Variants in BNIP2 observed in about 807,000 individuals in gnomAD.
BNIP2 encodes the protein BCL2/adenovirus E1B 19 kDa protein-interacting protein 2.
Under a neutral mutation model 43.4 loss-of-function variants are expected in BNIP2, and 36 were observed. That is an observed-to-expected ratio of 0.83 (90% CI 0.64 to 1.10). BNIP2 has a LOEUF of 1.10. Ranked by LOEUF, BNIP2 falls within the 50% of genes least tolerant of loss-of-function variation. BNIP2 has a pLI of 0.00. For synonymous variants in BNIP2, 146 were observed against 121.0 expected, an observed-to-expected ratio of 1.21 and a Z score of -1.35; for missense variants, 417 against 374.1, an observed-to-expected ratio of 1.11 and a Z score of -0.95.
intron 2 of BNIP2, among the ~76,000 whole-genome samples, chr15:59,681,188 C>G (rs1363929284): frequency 6.6e-6 from 1 of 152,194 alleles, no homozygotes; most frequent in Non-Finnish European, 1.5e-5. Flanking sequence ...ACTCAGGTCT[C>G]CGATCAGCTG....
At chr15:59,669,226 A>C (rs1390675102) in intron 8 of BNIP2, 50 bp downstream of exon 8, 7 of 1,301,656 alleles carry the variant, frequency 5.4e-6, no homozygotes, top group Non-Finnish European at 7.3e-6. Context: ...TTAACTAAAA[A>C]TAAATAAATA....
At position 59,662,849 on chromosome 15, in the gene BNIP2, A is replaced by G. The variant is rs1892349191; in HGVS notation, c.*1220T>C. 6.6e-6 allele frequency: 1 copy of G among 152,228 alleles called. No homozygotes were observed. The highest frequency in any genetic ancestry group is 2.1e-4 in the South Asian group (1 of 4,832). The allele number at this position is 152,228 out of a possible 1,614,324, so 9.4% of individuals were successfully genotyped here. Reference sequence around the variant, plus strand: ...TGTTTTAGAAATAATTTTGTCGGTAATTAAACTTTTTGTTTGGAGGCACAA... The same window carrying G: ...TGTTTTAGAAATAATTTTGTCGGTAGTTAAACTTTTTGTTTGGAGGCACAA... On this transcript the variant is annotated 3_prime_UTR_variant, in exon 10 of 10. Transcript: ENST00000607373.
intron 5 of BNIP2, among the ~76,000 whole-genome samples, chr15:59,675,636 T>C (rs148766156): frequency 6.6e-6 from 1 of 152,206 alleles, no homozygotes; most frequent in Non-Finnish European, 1.5e-5. Context: ...AGAGTCCAAG[T>C]TTTACTTATA....
intron 3 of BNIP2, 38 bp downstream of exon 3, chr15:59,680,203 G>T: frequency 1.4e-6 from 2 of 1,381,888 alleles, no homozygotes; most frequent in Non-Finnish European, 1.9e-6. Context: ...ATAACACAAA[G>T]TCCATAATTT....
At chr15:59,671,110 A>G (rs978482148) in intron 7 of BNIP2, 73 bp downstream of exon 7, 8 of 1,381,502 alleles carry the variant, frequency 5.8e-6, no homozygotes, top group Middle Eastern at 2.0e-4. Flanking sequence ...AATAGCAACG[A>G]AAAACAAAGT....
intron 1 of BNIP2, chr15:59,688,728 A>C: frequency 6.5e-7 from 1 of 1,535,702 alleles, no homozygotes; most frequent in Non-Finnish European, 8.7e-7. Context: ...GTTACGAGGC[A>C]TACCAGAAGT....
intron 9 of BNIP2, among the ~76,000 whole-genome samples, chr15:59,666,464 C>T (rs962088971): frequency 3.9e-4 from 60 of 152,190 alleles, no homozygotes; most frequent in African/African-American, 1.4e-3. Context: ...ATCAGGAGTT[C>T]GAGACCATCC....
rs556906271 is a variant in BNIP2, at chr15:59,676,779, C to T, written c.472+1132G>A. 8.3e-5 allele frequency: 125 copies of T among 1,498,338 alleles called. 2 individuals carry two copies. In the South Asian group the frequency reaches 9.0e-4, roughly 11 times the overall value. 92.8% of individuals were successfully genotyped at this position (1,498,338 alleles called of 1,614,324 possible). On this transcript the variant is annotated intron_variant, in intron 5 of 9. Transcript: ENST00000607373. Reference sequence around the variant, plus strand: ...GTCATGGAGGATGAGCGGAGCTTTTCGGATATCTGCGGTGGCCGCCTGGCC... The same window carrying T: ...GTCATGGAGGATGAGCGGAGCTTTTTGGATATCTGCGGTGGCCGCCTGGCC...
chr15:59,666,605 T>A (rs1463906880), intron 9 of BNIP2, among the ~76,000 whole-genome samples: 1 of 152,152 alleles, frequency 6.6e-6, no homozygotes, highest in African/African-American at 2.4e-5. Context: ...AGGCAGAGAT[T>A]GCAGTTAGCT....
chr15:59,672,574 T>C, intron 6 of BNIP2, 63 bp downstream of exon 6: 2 of 1,241,442 alleles, frequency 1.6e-6, no homozygotes, highest in South Asian at 2.6e-5. Flanking sequence ...GTTAAGTTTC[T>C]TAAGGTGTAG....
chr15:59,669,858 T>C (rs571539347), intron 7 of BNIP2, among the ~76,000 whole-genome samples: 4 of 152,346 alleles, frequency 2.6e-5, no homozygotes, highest in Admixed American at 2.0e-4. Flanking sequence ...AAAGGTTTTA[T>C]CCTAGACTTC....
At chr15:59,677,199 G>C in intron 5 of BNIP2, 1 of 1,595,580 alleles carries the variant, frequency 6.3e-7, no homozygotes, top group South Asian at 1.1e-5. Context: ...GGAACCACAT[G>C]GGATATCCCA....
chr15:59,668,826 AG>A, intron 9 of BNIP2, 65 bp downstream of exon 9: 4 of 1,302,030 alleles, frequency 3.1e-6, no homozygotes, highest in Non-Finnish European at 4.3e-6. Context: ...AGTATTGAAA[AG>A]TATTATCCAT....
intron 6 of BNIP2, 133 bp from the exon 7 acceptor site, chr15:59,671,447 A>G (rs1323543291): frequency 3.5e-5 from 22 of 620,486 alleles, no homozygotes; most frequent in Non-Finnish European, 1.0e-5. Flanking sequence ...CTCAAACCGC[A>G]TTAGCTAGTA....
chr15:59,669,762 T>C (rs1892787411), intron 7 of BNIP2, among the ~76,000 whole-genome samples: 1 of 152,152 alleles, frequency 6.6e-6, no homozygotes, highest in Admixed American at 6.5e-5. Context: ...GGCAGAGAAG[T>C]GTGAGTGGAG....
intron 7 of BNIP2, 70 bp from the exon 8 acceptor site, chr15:59,669,432 G>T: frequency 9.0e-7 from 1 of 1,111,930 alleles, no homozygotes; most frequent in Non-Finnish European, 1.3e-6. Context: ...AATGCTGCAA[G>T]TTTATACAAA....
In BNIP2 at chr15:59,672,620, G is replaced by C. The variant is rs554506189; in HGVS notation, c.575+17C>G. On this transcript the variant is annotated intron_variant, in intron 6 of 9. Coordinates refer to ENST00000607373, the MANE Select transcript of BNIP2 (RefSeq NM_004330.4). ...CTCACAATTCTGTCCAAATGTTTTT[G>C]TTTAATATATACTTACTTAAAAAGA... 11 of 1,571,508 alleles carry C rather than the reference G, an allele frequency of 7.0e-6. No homozygotes were observed. The South Asian group carries it at 1.0e-4, about 14-fold the overall frequency.
At chr15:59,677,827 C>G in intron 5 of BNIP2, 84 bp downstream of exon 5, 1 of 1,474,154 alleles carries the variant, frequency 6.8e-7, no homozygotes, top group Non-Finnish European at 9.1e-7. Context: ...GGCTTATTTA[C>G]TCTTAATAAA....
At position 59,689,225 on chromosome 15, in the gene BNIP2, C is replaced by G; in HGVS notation, c.-148G>C. 2.6e-6 allele frequency: 4 copies of G among 1,541,218 alleles called. No individual in the cohort carries two copies. The highest frequency in any genetic ancestry group is 1.4e-5 in the African/African-American group (1 of 73,086). ...CCAGGTCGCAAAAAGCAGGGCCGAG[C>G]GGAGCCCGCTCCCCTCGGTCGGCGG... On this transcript the variant is annotated 5_prime_UTR_variant, in exon 1 of 10. Transcript: ENST00000607373.
Sources: gnomAD v4.1 joint callset for allele counts (sites outside exome capture counted in the v4.1 genomes callset) on GRCh38, gnomAD v4.1.1 for gene constraint, MANE v1.5 for transcripts, NCBI Gene and HGNC (gene_info 2026-07-23, HGNC 2026-07-21) for gene names.